ARHGAP15: variants seen among roughly 807,000 people sequenced by gnomAD.
The protein encoded by ARHGAP15 is rho GTPase-activating protein 15.
ARHGAP15 carries 51 observed loss-of-function variants against 63.7 expected under a neutral mutation model. The observed-to-expected ratio is 0.80, with a 90% CI of 0.64 to 1.01. The LOEUF (loss-of-function observed/expected upper bound fraction) is 1.01. Among genes scored for constraint, ARHGAP15 ranks in the 50% least tolerant of loss-of-function variants. ARHGAP15 has a pLI of 0.00. For synonymous variants in ARHGAP15, 191 were observed against 193.8 expected, an observed-to-expected ratio of 0.99 and a Z score of 0.12; for missense variants, 560 against 564.6, an observed-to-expected ratio of 0.99 and a Z score of 0.08.
At chr2:143,610,275 A>G (rs1230351139) in intron 11 of ARHGAP15, among the ~76,000 whole-genome samples, 1 of 152,210 alleles carries the variant, frequency 6.6e-6, no homozygotes, top group Non-Finnish European at 1.5e-5. Flanking sequence ...GCCTTATCAC[A>G]TATTCAAATG....
intron 5 of ARHGAP15, among the ~76,000 whole-genome samples, chr2:143,233,937 A>T (rs2104925909): frequency 6.6e-6 from 1 of 152,184 alleles, no homozygotes; most frequent in South Asian, 2.1e-4. Context: ...CAGCCACCGC[A>T]CCAGGCCCAA....
chr2:143,333,622 T>C (rs1350147768), intron 6 of ARHGAP15, among the ~76,000 whole-genome samples: 1 of 152,184 alleles, frequency 6.6e-6, no homozygotes, highest in Non-Finnish European at 1.5e-5. Context: ...TCCATTTTTA[T>C]CTGCCTCCTG....
At chr2:143,595,802 C>G (rs1697494679) in intron 11 of ARHGAP15, among the ~76,000 whole-genome samples, 1 of 151,978 alleles carries the variant, frequency 6.6e-6, no homozygotes, top group Admixed American at 6.6e-5. Context: ...GTCCCTTATT[C>G]TAAAACCTAC....
At chr2:143,135,266 A>C (rs539153093) in intron 1 of ARHGAP15, among the ~76,000 whole-genome samples, 1 of 152,242 alleles carries the variant, frequency 6.6e-6, no homozygotes, top group Non-Finnish European at 1.5e-5. Context: ...CATTTTCTGC[A>C]TGTCAAAAAC....
At chr2:143,299,342 T>C (rs1313706680) in intron 6 of ARHGAP15, among the ~76,000 whole-genome samples, 1 of 151,954 alleles carries the variant, frequency 6.6e-6, no homozygotes, top group Non-Finnish European at 1.5e-5. Context: ...TTTTCCTTTT[T>C]AAGCATCAAG....
intron 9 of ARHGAP15, among the ~76,000 whole-genome samples, chr2:143,513,991 G>T (rs1197682383): frequency 6.6e-6 from 1 of 152,208 alleles, no homozygotes; most frequent in Non-Finnish European, 1.5e-5. Context: ...TCAAAGGATT[G>T]CAGGTGCATG....
chr2:143,558,392 C>G (rs1695895191), intron 11 of ARHGAP15, among the ~76,000 whole-genome samples: 1 of 152,090 alleles, frequency 6.6e-6, no homozygotes, highest in Admixed American at 6.6e-5. Context: ...CAGATTTCTT[C>G]TCTGTTCCCC....
At position 143,519,206 on chromosome 2, in the gene ARHGAP15, CAAATT is replaced by C. The variant is rs552208543; in HGVS notation, c.827-56_827-52del. The stretch of plus-strand genomic sequence containing the variant: ...CATGCAATGGATATGGAAACGGAAT[CAAATT>C]AAAGAACAACGCAAGCTTGGATTTT... On this transcript the variant is annotated intron_variant, in intron 9 of 13. Transcript: ENST00000295095. 178 of 1,308,480 alleles carry C rather than the reference CAAATT, an allele frequency of 1.4e-4. No homozygotes were observed. The African/African-American group carries it at 2.0e-3, about 15-fold the overall frequency. 81.1% of individuals were successfully genotyped at this position (1,308,480 alleles called of 1,614,324 possible). A position where few individuals can be genotyped will look rare whatever the true frequency, so the allele number is the denominator to read the frequency against.
At chr2:143,280,201 T>C (rs1379305197) in intron 6 of ARHGAP15, among the ~76,000 whole-genome samples, 1 of 152,152 alleles carries the variant, frequency 6.6e-6, no homozygotes, top group Non-Finnish European at 1.5e-5. Flanking sequence ...TTGTTTTTCT[T>C]CCAGTTCTAA....
chr2:143,550,634 C>T (rs892023427), intron 10 of ARHGAP15, among the ~76,000 whole-genome samples: 1 of 152,192 alleles, frequency 6.6e-6, no homozygotes, highest in Non-Finnish European at 1.5e-5. Context: ...AGACATAGAA[C>T]ATTTCTATCA....
intron 6 of ARHGAP15, among the ~76,000 whole-genome samples, chr2:143,335,499 T>C (rs1684732062): frequency 6.6e-6 from 1 of 152,184 alleles, no homozygotes; most frequent in Admixed American, 6.5e-5. Context: ...TGCAAATTTC[T>C]GTATGGCACA....
intron 13 of ARHGAP15, among the ~76,000 whole-genome samples, chr2:143,721,831 C>G (rs1685072918): frequency 6.6e-6 from 1 of 152,112 alleles, no homozygotes; most frequent in African/African-American, 2.4e-5. Context: ...GAACTACAGG[C>G]GCCCACCACT....
At chr2:143,539,235 T>C (rs1286629188) in intron 10 of ARHGAP15, among the ~76,000 whole-genome samples, 1 of 152,234 alleles carries the variant, frequency 6.6e-6, no homozygotes, top group Non-Finnish European at 1.5e-5. Flanking sequence ...ATCCCCTTTG[T>C]CATTTTTTAT....
intron 8 of ARHGAP15, among the ~76,000 whole-genome samples, chr2:143,483,399 C>T (rs1006952001): frequency 6.6e-6 from 1 of 152,164 alleles, no homozygotes; most frequent in Non-Finnish European, 1.5e-5. Flanking sequence ...ATATACCGTG[C>T]TTGGCCCTGC....
intron 8 of ARHGAP15, among the ~76,000 whole-genome samples, chr2:143,450,122 A>T (rs1186866393): frequency 2.5e-5 from 3 of 122,440 alleles, no homozygotes; most frequent in Non-Finnish European, 3.4e-5. Context: ...TTTTCCTAGT[A>T]GGTACCTGGG....
At chr2:143,597,549 G>T (rs1249498876) in intron 11 of ARHGAP15, among the ~76,000 whole-genome samples, 2 of 151,972 alleles carry the variant, frequency 1.3e-5, no homozygotes, top group East Asian at 3.9e-4. Context: ...CCCTCCTATT[G>T]TTCCCTTCTC....
chr2:143,529,452 G>A (rs72990806), intron 10 of ARHGAP15, among the ~76,000 whole-genome samples: 42 of 152,138 alleles, frequency 2.8e-4, no homozygotes, highest in African/African-American at 9.6e-4. Flanking sequence ...CTGCCAAAAT[G>A]ATCCCTCTTA....
chr2:143,417,317 G>C (rs1246444954), intron 6 of ARHGAP15, among the ~76,000 whole-genome samples: 1 of 152,094 alleles, frequency 6.6e-6, no homozygotes, highest in African/African-American at 2.4e-5. Context: ...ACATGCTTAT[G>C]CATAGGTGTG....
intron 6 of ARHGAP15, among the ~76,000 whole-genome samples, chr2:143,261,815 G>C (rs1206229727): frequency 6.6e-6 from 1 of 152,182 alleles, no homozygotes; most frequent in Non-Finnish European, 1.5e-5. Flanking sequence ...GAACTAGCAA[G>C]AGTGAAACAG....
Sources: allele counts gnomAD v4.1 joint callset (sites outside exome capture counted in the v4.1 genomes callset), GRCh38; gene constraint gnomAD v4.1.1; transcripts MANE v1.5; gene names NCBI Gene and HGNC (gene_info 2026-07-23, HGNC 2026-07-21).